Variants in NELL1 observed in about 807,000 individuals in gnomAD.
The protein encoded by NELL1 is neural EGFL like 1, also known as protein kinase C-binding protein NELL1.
In NELL1, 76 loss-of-function variants were observed where a neutral mutation model predicts 107.4. That is an observed-to-expected ratio of 0.71 (90% confidence interval 0.59 to 0.86). The LOEUF is 0.86. Among genes scored for constraint, NELL1 ranks in the 40% least tolerant of loss-of-function variants. NELL1 has a pLI of 0.00. For synonymous variants in NELL1, 353 were observed against 341.2 expected (o/e 1.03, Z -0.38); for missense variants, 1,024 against 1,005.5 (o/e 1.02, Z -0.25).
At chr11:21,409,485 G>C (rs1205503519) in intron 15 of NELL1, among the ~76,000 whole-genome samples, 1 of 151,856 alleles carries the variant, frequency 6.6e-6, no homozygotes, top group Non-Finnish European at 1.5e-5. Context: ...AATGCTAAAT[G>C]ACGAGTTAAT....
At chr11:21,404,008 C>G (rs933726412) in intron 15 of NELL1, among the ~76,000 whole-genome samples, 2 of 99,548 alleles carry the variant, frequency 2.0e-5, no homozygotes, top group South Asian at 5.4e-4. Flanking sequence ...TTCCTGAACC[C>G]CCCCCCCCGC....
At chr11:20,815,820 T>C (rs1490193039) in intron 3 of NELL1, among the ~76,000 whole-genome samples, 2 of 152,168 alleles carry the variant, frequency 1.3e-5, no homozygotes, top group Admixed American at 6.5e-5. Context: ...CATCTTAAGT[T>C]AATTTTTATA....
At chr11:20,772,546 A>T (rs1255466868) in intron 2 of NELL1, among the ~76,000 whole-genome samples, 4 of 152,208 alleles carry the variant, frequency 2.6e-5, no homozygotes, top group Non-Finnish European at 1.5e-5. Context: ...TAATGTCTAG[A>T]TATGGGCATT....
chr11:21,378,586 T>G (rs1403393916), intron 15 of NELL1, among the ~76,000 whole-genome samples: 1 of 152,028 alleles, frequency 6.6e-6, no homozygotes, highest in Non-Finnish European at 1.5e-5. Flanking sequence ...AAGGAACATG[T>G]GACTCCAAAC....
chr11:21,146,051 T>C (rs995461602), intron 13 of NELL1, among the ~76,000 whole-genome samples: 7 of 152,202 alleles, frequency 4.6e-5, no homozygotes, highest in Non-Finnish European at 7.3e-5. Flanking sequence ...GGAAGCTATT[T>C]CATGCCTGTA....
intron 14 of NELL1, among the ~76,000 whole-genome samples, chr11:21,362,317 G>A (rs766264614): frequency 6.6e-6 from 1 of 152,160 alleles, no homozygotes; most frequent in Non-Finnish European, 1.5e-5. Context: ...GTGGTAGAGG[G>A]GGTCTGCAAA....
intron 14 of NELL1, among the ~76,000 whole-genome samples, chr11:21,293,892 G>C (rs1849322941): frequency 6.6e-6 from 1 of 152,090 alleles, no homozygotes; most frequent in African/African-American, 2.4e-5. Flanking sequence ...AAAACACATG[G>C]AAACAGGGAG....
intron 13 of NELL1, among the ~76,000 whole-genome samples, chr11:21,228,585 C>T (rs1857953866): frequency 6.6e-6 from 1 of 152,018 alleles, no homozygotes; most frequent in Non-Finnish European, 1.5e-5. Flanking sequence ...TTCTCCTTTG[C>T]TAGGCTATAT....
At chr11:21,278,423 TAGTA>T (rs1385437731) in intron 14 of NELL1, among the ~76,000 whole-genome samples, 6 of 152,154 alleles carry the variant, frequency 3.9e-5, no homozygotes, top group African/African-American at 7.2e-5. Context: ...CTTCTGAAAC[TAGTA>T]AGTGACTATA....
intron 2 of NELL1, among the ~76,000 whole-genome samples, chr11:20,738,650 G>C (rs1855817813): frequency 6.6e-6 from 1 of 152,206 alleles, no homozygotes; most frequent in African/African-American, 2.4e-5. Flanking sequence ...TCCCAGCTTA[G>C]GCAGGACTAG....
At chr11:21,504,063 T>G (rs973965483) in intron 15 of NELL1, 1 of 152,250 alleles carries the variant, frequency 6.6e-6, no homozygotes, top group African/African-American at 2.4e-5. Context: ...GAATAACTTT[T>G]GATTTTCTTT....
rs143955999 is a variant in NELL1 at position 21,202,042 on chromosome 11, A to T, written c.1427-27290A>T. ...GATTCGGTTTGCCAGTATTTTCTTG[A>T]GGCTTTTCTCATTGATGTTCGTCAG... On this transcript the variant is annotated intron_variant, in intron 13 of 19. Transcript: ENST00000357134. 7.4e-3 allele frequency among the ~76,000 whole-genome samples: 1,131 copies of T among 152,148 alleles called. 13 individuals carry two copies. The highest frequency in any genetic ancestry group is 0.025 in the African/African-American group (1,035 of 41,500).
At chr11:21,431,762 T>C (rs1852970619) in intron 15 of NELL1, among the ~76,000 whole-genome samples, 2 of 152,202 alleles carry the variant, frequency 1.3e-5, no homozygotes, top group Admixed American at 1.3e-4. Context: ...CTTTCTGCCT[T>C]TACCATTTTG....
At chr11:20,837,418 T>C (rs1848552273) in intron 3 of NELL1, among the ~76,000 whole-genome samples, 2 of 152,148 alleles carry the variant, frequency 1.3e-5, no homozygotes, top group Non-Finnish European at 2.9e-5. Flanking sequence ...GTATATATAC[T>C]GATTGTTATA....
intron 14 of NELL1, among the ~76,000 whole-genome samples, chr11:21,280,078 C>A (rs1848958797): frequency 6.6e-6 from 1 of 152,012 alleles, no homozygotes; most frequent in Non-Finnish European, 1.5e-5. Flanking sequence ...AAAAGGTGCT[C>A]AAATAGAGGA....
intron 12 of NELL1, among the ~76,000 whole-genome samples, chr11:20,981,515 A>G (rs978972081): frequency 1.3e-5 from 2 of 152,196 alleles, no homozygotes; most frequent in African/African-American, 4.8e-5. Flanking sequence ...TACTTTAACT[A>G]TGATTATTAA....
intron 12 of NELL1, among the ~76,000 whole-genome samples, chr11:21,036,088 A>T (rs555755712): frequency 3.3e-5 from 5 of 152,280 alleles, no homozygotes; most frequent in African/African-American, 1.2e-4. Flanking sequence ...CTATGCACCA[A>T]CAACAGTCAA....
intron 12 of NELL1, among the ~76,000 whole-genome samples, chr11:21,030,524 G>C (rs139712380): frequency 1.3e-5 from 2 of 152,080 alleles, no homozygotes; most frequent in African/African-American, 4.8e-5. Flanking sequence ...TTAGGACCCA[G>C]TGACAATGAG....
chr11:21,084,170 T>A (rs1308388561), intron 12 of NELL1, among the ~76,000 whole-genome samples: 1 of 152,166 alleles, frequency 6.6e-6, no homozygotes, highest in Non-Finnish European at 1.5e-5. Context: ...TGTCCACGAT[T>A]GCCGTTGCAG....
Sources: gnomAD v4.1 joint callset for allele counts (sites outside exome capture counted in the v4.1 genomes callset) on GRCh38, gnomAD v4.1.1 for gene constraint, MANE v1.5 for transcripts, NCBI Gene and HGNC (gene_info 2026-07-23, HGNC 2026-07-21) for gene names.